Variants in RNFT2 observed in about 807,000 individuals in gnomAD.
RNFT2 encodes ring finger protein, transmembrane 2, also known as E3 ubiquitin-protein ligase RNFT2.
A neutral mutation model predicts 53.0 loss-of-function variants in RNFT2; 36 were observed. The ratio of observed to expected loss-of-function variants is 0.68; its 90% CI spans 0.52 to 0.90. The LOEUF (loss-of-function observed/expected upper bound fraction) is 0.90. RNFT2 is among the 40% of genes least tolerant of loss of function. RNFT2 has a pLI of 0.00. For missense variants in RNFT2, 514 were observed against 585.6 expected, an observed-to-expected ratio of 0.88 and a Z score of 1.26; for synonymous variants, 260 against 253.2, an observed-to-expected ratio of 1.03 and a Z score of -0.26.
At chr12:116,828,351 G>A (rs781424998) in intron 7 of RNFT2, among the ~76,000 whole-genome samples, 2 of 152,184 alleles carry the variant, frequency 1.3e-5, no homozygotes, top group Non-Finnish European at 2.9e-5. Context: ...CAGCTCCCAG[G>A]CGATGCTGAT....
At chr12:116,784,583 A>T (rs1161496781) in intron 7 of RNFT2, among the ~76,000 whole-genome samples, 1 of 152,210 alleles carries the variant, frequency 6.6e-6, no homozygotes, top group African/African-American at 2.4e-5. Flanking sequence ...GAAGGAACTC[A>T]GGATCTTCCC....
In RNFT2 at chr12:116,852,489, C is replaced by A. The variant is rs1877976697; in HGVS notation, c.*3041C>A. 6.7e-7 allele frequency: 1 copy of A among 1,489,132 alleles called. No individual in the cohort carries two copies. Among genetic ancestry groups the A allele is most frequent in the Non-Finnish European group, 8.9e-7 (1 of 1,119,370 alleles). 92.2% of individuals were successfully genotyped at this position (1,489,132 alleles called of 1,614,324 possible). A position where few individuals can be genotyped will look rare whatever the true frequency, so the allele number is the denominator to read the frequency against. On this transcript the variant is annotated 3_prime_UTR_variant, in exon 11 of 11. Transcript: ENST00000257575. ...TACTATGGCGATGGCCATGATGTTA[C>A]AATCCCACTTGCCTGAATAATCAAG...
chr12:116,755,929 T>A, intron 5 of RNFT2: 1 of 1,073,546 alleles, frequency 9.3e-7, no homozygotes. Flanking sequence ...GATATGTCCT[T>A]ATTTTTGTAC....
chr12:116,802,106 C>G (rs962307324), intron 7 of RNFT2, among the ~76,000 whole-genome samples: 2 of 152,172 alleles, frequency 1.3e-5, no homozygotes, highest in African/African-American at 4.8e-5. Context: ...AAGGTGTGAG[C>G]CACTGCACCC....
intron 10 of RNFT2, among the ~76,000 whole-genome samples, chr12:116,841,497 C>A (rs949483474): frequency 2.0e-5 from 3 of 150,886 alleles, no homozygotes; most frequent in Admixed American, 6.7e-5. Context: ...CCTGTAATCC[C>A]AGCACTTTGG....
At chr12:116,819,364 G>GCCAGACCCGGAGC (rs1267695375) in intron 7 of RNFT2, among the ~76,000 whole-genome samples, 102 of 152,260 alleles carry the variant, frequency 6.7e-4, no homozygotes, top group African/African-American at 2.4e-3. Flanking sequence ...ACGCCCGGAG[G>GCCAGACCCGGAGC]CCAGACCCGG....
At chr12:116,796,923 A>C (rs1487634001) in intron 7 of RNFT2, among the ~76,000 whole-genome samples, 1 of 152,214 alleles carries the variant, frequency 6.6e-6, no homozygotes, top group Non-Finnish European at 1.5e-5. Flanking sequence ...GTGATTCCCA[A>C]CTAGGGGGCT....
chr12:116,778,221 C>G (rs1873523088), intron 6 of RNFT2, among the ~76,000 whole-genome samples: 1 of 152,012 alleles, frequency 6.6e-6, no homozygotes, highest in South Asian at 2.1e-4. Context: ...TGGGTTTGTC[C>G]CCAGCAAAAC....
At chr12:116,802,734 A>G (rs1241876170) in intron 7 of RNFT2, among the ~76,000 whole-genome samples, 1 of 152,194 alleles carries the variant, frequency 6.6e-6, no homozygotes, top group Admixed American at 6.5e-5. Context: ...GATCTGGGAG[A>G]GAATAAGTTT....
chr12:116,802,758 C>A (rs1874859309), intron 7 of RNFT2, among the ~76,000 whole-genome samples: 1 of 152,140 alleles, frequency 6.6e-6, no homozygotes, highest in Non-Finnish European at 1.5e-5. Context: ...TTGTTTCAAG[C>A]CACTCAGCAT....
In RNFT2 at chr12:116,814,823, C is replaced by A. The variant is rs574441214; in HGVS notation, c.883-18969C>A. On this transcript the variant is annotated intron_variant, in intron 7 of 10. Transcript: ENST00000257575. ...CCTCCCGAGTAGCTGGGATTACAGGCATGCACCACCATGCCCAGCTAAGTT... is the reference window on the plus strand; with the variant it reads ...CCTCCCGAGTAGCTGGGATTACAGGAATGCACCACCATGCCCAGCTAAGTT... Among the ~76,000 whole-genome samples, 133 of 152,208 alleles carry A rather than the reference C, an allele frequency of 8.7e-4. 3 individuals are homozygous for A. Among genetic ancestry groups the A allele is most frequent in the South Asian group, 3.5e-3 (17 of 4,826 alleles).
intron 6 of RNFT2, 32 bp downstream of exon 6, chr12:116,766,946 A>G: frequency 6.7e-7 from 1 of 1,495,986 alleles, no homozygotes; most frequent in Non-Finnish European, 9.1e-7. Context: ...CCACGGTGGG[A>G]GAGTGGGGCA....
At chr12:116,762,731 C>A (rs896445835) in intron 5 of RNFT2, among the ~76,000 whole-genome samples, 3 of 152,062 alleles carry the variant, frequency 2.0e-5, no homozygotes, top group Admixed American at 6.5e-5. Context: ...CCTGCCTCAG[C>A]CTCCTGAGTA....
intron 1 of RNFT2, among the ~76,000 whole-genome samples, chr12:116,739,093 G>A (rs1211898860): frequency 6.6e-6 from 1 of 152,156 alleles, no homozygotes; most frequent in African/African-American, 2.4e-5. Context: ...GCCTGGTCAG[G>A]ATTAGGAAGT....
At chr12:116,788,632 G>A (rs1874048528) in intron 7 of RNFT2, among the ~76,000 whole-genome samples, 1 of 152,154 alleles carries the variant, frequency 6.6e-6, no homozygotes, top group African/African-American at 2.4e-5. Context: ...CTCTGTGACA[G>A]CAGGAAATGA....
At chr12:116,786,988 C>T (rs771450017) in intron 7 of RNFT2, among the ~76,000 whole-genome samples, 36 of 152,108 alleles carry the variant, frequency 2.4e-4, no homozygotes, top group Admixed American at 1.4e-3. Context: ...ACACATGTAA[C>T]GGTATTTTGG....
intron 10 of RNFT2, among the ~76,000 whole-genome samples, chr12:116,843,933 C>A (rs1211569144): frequency 6.6e-6 from 1 of 152,178 alleles, no homozygotes; most frequent in Non-Finnish European, 1.5e-5. Flanking sequence ...AGTAGGAGTA[C>A]GATAACAACA....
chr12:116,757,000 G>A lies in RNFT2; in HGVS notation c.627+2940G>A, dbSNP rs375127266. 1.2e-4 allele frequency among the ~76,000 whole-genome samples: 18 copies of A among 152,002 alleles called. No homozygotes were observed. The East Asian group carries it at 1.5e-3, about 13-fold the overall frequency. On this transcript the variant is annotated intron_variant, in intron 5 of 10. Coordinates refer to ENST00000257575, the MANE Select transcript of RNFT2 (RefSeq NM_001382266.1). ...ATTTTTAAATTACCATTTCAATCTC[G>A]CTGCTTGTTATTGGTCTGTTTAGGG...
chr12:116,799,027 A>G (rs1485208461), intron 7 of RNFT2, among the ~76,000 whole-genome samples: 1 of 151,686 alleles, frequency 6.6e-6, no homozygotes. Flanking sequence ...GGGTCTCACA[A>G]GGCCAAAAAC....
Sources: allele counts gnomAD v4.1 joint callset (sites outside exome capture counted in the v4.1 genomes callset), GRCh38; gene constraint gnomAD v4.1.1; transcripts MANE v1.5; gene names NCBI Gene and HGNC (gene_info 2026-07-23, HGNC 2026-07-21).